The following ATP1B3 variants were observed in gnomAD, a reference collection of about 807,000 sequenced individuals.
The protein encoded by ATP1B3 is sodium/potassium-transporting ATPase subunit beta-3.
A neutral mutation model predicts 30.2 loss-of-function variants in ATP1B3; 10 were observed. That is an observed-to-expected ratio of 0.33 (90% CI 0.20 to 0.56). The LOEUF (loss-of-function observed/expected upper bound fraction) is 0.56. Among genes scored for constraint, ATP1B3 ranks in the 20% least tolerant of loss-of-function variants. ATP1B3 has a pLI of 0.90. For synonymous variants in ATP1B3, 113 were observed against 117.0 expected, an observed-to-expected ratio of 0.97 and a Z score of 0.22; for missense variants, 238 against 336.7, an observed-to-expected ratio of 0.71 and a Z score of 2.29.
intron 1 of ATP1B3, among the ~76,000 whole-genome samples, chr3:141,897,688 A>G (rs1375106521): frequency 6.6e-6 from 1 of 152,100 alleles, no homozygotes; most frequent in African/African-American, 2.4e-5. Context: ...AAAACAGTAC[A>G]TGTTCATCGG....
intron 5 of ATP1B3, among the ~76,000 whole-genome samples, chr3:141,919,467 A>C (rs1934527338): frequency 6.6e-6 from 1 of 152,164 alleles, no homozygotes; most frequent in Non-Finnish European, 1.5e-5. Context: ...CAAAAGATGT[A>C]ATTTTCATAT....
At chr3:141,890,409 T>G (rs751441106) in intron 1 of ATP1B3, among the ~76,000 whole-genome samples, 4 of 147,036 alleles carry the variant, frequency 2.7e-5, no homozygotes, top group Non-Finnish European at 6.0e-5. Context: ...TTCAGGTGAT[T>G]CTCCTGCCTC....
intron 1 of ATP1B3, among the ~76,000 whole-genome samples, chr3:141,902,621 G>A (rs775021700): frequency 6.6e-6 from 1 of 152,160 alleles, no homozygotes; most frequent in African/African-American, 2.4e-5. Flanking sequence ...TAAATCACTG[G>A]TTCAGGATAG....
chr3:141,922,697 G>A (rs946199252), intron 6 of ATP1B3, among the ~76,000 whole-genome samples: 1 of 152,082 alleles, frequency 6.6e-6, no homozygotes, highest in African/African-American at 2.4e-5. Context: ...GCCAGGCGCA[G>A]TGGCTCACCT....
chr3:141,921,939 T>A, intron 5 of ATP1B3, 38 bp from the exon 6 acceptor site: 2 of 1,192,514 alleles, frequency 1.7e-6, no homozygotes, highest in Non-Finnish European at 2.4e-6. Flanking sequence ...AAATTCTTTT[T>A]GTGACCTAAA....
intron 3 of ATP1B3, among the ~76,000 whole-genome samples, chr3:141,912,006 G>GT (rs1934370905): frequency 6.6e-6 from 1 of 152,232 alleles, no homozygotes; most frequent in Middle Eastern, 3.2e-3. Flanking sequence ...AGTCTATGCA[G>GT]TAGAAGCCCT....
intron 1 of ATP1B3, among the ~76,000 whole-genome samples, chr3:141,879,493 C>T (rs1349843720): frequency 6.6e-6 from 1 of 151,780 alleles, no homozygotes; most frequent in East Asian, 1.9e-4. Flanking sequence ...TTTTTGGGGC[C>T]GGGCGCGGTG....
rs1934567275 is a variant in ATP1B3, at chr3:141,921,735, G to T, written c.583-242G>T. 5 of 311,056 alleles carry T rather than the reference G, an allele frequency of 1.6e-5. No homozygotes were observed. In the South Asian group the frequency reaches 1.9e-4, roughly 12 times the overall value. The allele number at this position is 311,056 out of a possible 1,614,324, so 19.3% of individuals were successfully genotyped here. On this transcript the variant is annotated intron_variant, in intron 5 of 6. Coordinates refer to ENST00000286371, the MANE Select transcript of ATP1B3 (RefSeq NM_001679.4). ...AAAGAAGGGACTCTCATGAAAGAGA[G>T]TATAGAGTGTATCTGGAAGTGTAAG...
At chr3:141,898,185 C>T (rs1934103769) in intron 1 of ATP1B3, among the ~76,000 whole-genome samples, 1 of 152,106 alleles carries the variant, frequency 6.6e-6, no homozygotes, top group Non-Finnish European at 1.5e-5. Context: ...GTCTTTATGA[C>T]CTTGGATTAG....
chr3:141,901,459 T>C (rs1934162365), intron 1 of ATP1B3, among the ~76,000 whole-genome samples: 3 of 152,246 alleles, frequency 2.0e-5, no homozygotes, highest in Admixed American at 6.5e-5. Flanking sequence ...TTTTAAAAAT[T>C]AGATTTGGTT....
intron 2 of ATP1B3, 140 bp downstream of exon 2, chr3:141,903,888 T>C: frequency 4.1e-6 from 4 of 972,284 alleles, no homozygotes; most frequent in Non-Finnish European, 5.9e-6. Context: ...TTCAAGCGAT[T>C]CTCCTGCCTC....
At chr3:141,906,234 CA>C (rs1436476769) in intron 2 of ATP1B3, among the ~76,000 whole-genome samples, 2 of 151,334 alleles carry the variant, frequency 1.3e-5, no homozygotes, top group African/African-American at 4.9e-5. Context: ...GGCTGGAGTG[CA>C]ATGGCACGAT....
chr3:141,902,795 C>G (rs2107772183), intron 1 of ATP1B3: 1 of 153,596 alleles, frequency 6.5e-6, no homozygotes, highest in African/African-American at 2.4e-5. Context: ...TTGCACGAGC[C>G]CTGCCATTTG....
intron 1 of ATP1B3, among the ~76,000 whole-genome samples, chr3:141,889,756 T>C (rs780139858): frequency 0.059 from 4,953 of 84,000 alleles, 408 homozygotes; most frequent in Middle Eastern, 0.18. Flanking sequence ...AAAAAATATA[T>C]ACACACACAC....
chr3:141,908,941 A>AC (rs1323070570), intron 3 of ATP1B3, among the ~76,000 whole-genome samples: 2 of 151,764 alleles, frequency 1.3e-5, no homozygotes, highest in African/African-American at 2.4e-5. Flanking sequence ...CCTTCCTTTC[A>AC]CCTGAGGCCA....
chr3:141,900,927 A>G (rs1576394527), intron 1 of ATP1B3, among the ~76,000 whole-genome samples: 2 of 152,126 alleles, frequency 1.3e-5, no homozygotes, highest in South Asian at 2.1e-4. Context: ...GAATTACAGG[A>G]GTGCACCACC....
rs1369889426 is a variant in ATP1B3 at position 141,925,944 on chromosome 3, A to T, written c.*243A>T. ...CCAGATAGGGACCGGTGAACACCTGATTCCAAACATGTAGGATGGGGGTCT... is the reference window on the plus strand; with the variant it reads ...CCAGATAGGGACCGGTGAACACCTGTTTCCAAACATGTAGGATGGGGGTCT... On this transcript the variant is annotated 3_prime_UTR_variant, in exon 7 of 7. Transcript: ENST00000286371. The T allele has an allele frequency of 2.3e-6, 1 of 431,416 alleles. No individual in the cohort carries two copies. Among genetic ancestry groups the T allele is most frequent in the African/African-American group, 2.0e-5 (1 of 50,084 alleles). 26.7% of individuals were successfully genotyped at this position (431,416 alleles called of 1,614,324 possible).
At chr3:141,881,667 A>G (rs1052445571) in intron 1 of ATP1B3, among the ~76,000 whole-genome samples, 4 of 152,234 alleles carry the variant, frequency 2.6e-5, no homozygotes, top group African/African-American at 4.8e-5. Flanking sequence ...AATTTTTGCA[A>G]TGAGACCTTG....
rs751151028 is a variant in ATP1B3, at chr3:141,876,933, TCCGGGGCCGGCCTCGGTC to T, written c.109+30_109+47del. 3 of 1,535,982 alleles carry T rather than the reference TCCGGGGCCGGCCTCGGTC, an allele frequency of 2.0e-6. No homozygotes were observed. In the South Asian group the frequency reaches 3.5e-5, roughly 18 times the overall value. Reference sequence around the variant, plus strand: ...GGGGTGAGCGGGCAGCAGCTGGGCGTCCGGGGCCGGCCTCGGTCCCGGGGGCGCCGGGCGCGGTCTGGT... The same window carrying T: ...GGGGTGAGCGGGCAGCAGCTGGGCGTCCGGGGGCGCCGGGCGCGGTCTGGT... On this transcript the variant is annotated intron_variant, in intron 1 of 6. Transcript: ENST00000286371.
Sources: gnomAD v4.1 joint callset for allele counts (sites outside exome capture counted in the v4.1 genomes callset) on GRCh38, gnomAD v4.1.1 for gene constraint, MANE v1.5 for transcripts, NCBI Gene and HGNC (gene_info 2026-07-23, HGNC 2026-07-21) for gene names.